The following RASGRF1 variants were observed in gnomAD, a reference collection of about 807,000 sequenced individuals.
RASGRF1 encodes the protein ras-specific guanine nucleotide-releasing factor 1.
RASGRF1 carries 40 observed loss-of-function variants against 138.7 expected under a neutral mutation model. The observed-to-expected ratio is 0.29, with a 90% CI of 0.22 to 0.38. The LOEUF is 0.38. Among genes scored for constraint, RASGRF1 ranks in the 10% least tolerant of loss-of-function variants. The pLI, the probability that RASGRF1 is intolerant of heterozygous loss-of-function variation, is 1.00. For synonymous variants in RASGRF1, 614 were observed against 663.2 expected (o/e 0.93, Z 1.14); for missense variants, 1,108 against 1,650.4 (o/e 0.67, Z 5.69).
chr15:79,068,954 A>G (rs1321854670), intron 1 of RASGRF1, among the ~76,000 whole-genome samples: 1 of 152,108 alleles, frequency 6.6e-6, no homozygotes, highest in African/African-American at 2.4e-5. Context: ...TTCAGGTCTC[A>G]GGGAAAAGAG....
In RASGRF1 at chr15:79,029,176, G is replaced by A. The variant is rs111744064; in HGVS notation, c.1263-1317C>T. On this transcript the variant is annotated intron_variant, in intron 8 of 26. Transcript: ENST00000558480. ...TTTAATAAATGGACCAGGGCCTTTC[G>A]CTGGAGTCTCTTCCTTGGGAGCCTC... Among the ~76,000 whole-genome samples the A allele has an allele frequency of 4.0e-3, 610 of 152,314 alleles. 5 individuals are homozygous for A. The highest frequency in any genetic ancestry group is 0.014 in the African/African-American group (564 of 41,558).
chr15:78,980,722 A>C (rs901942068), intron 23 of RASGRF1, 23 bp from the exon 24 acceptor site: 1 of 1,550,480 alleles, frequency 6.4e-7, no homozygotes, highest in Non-Finnish European at 8.9e-7. Flanking sequence ...AGAAGCATTT[A>C]CTAACACACA....
At chr15:79,078,787 C>T (rs1418220050) in intron 1 of RASGRF1, among the ~76,000 whole-genome samples, 1 of 152,250 alleles carries the variant, frequency 6.6e-6, no homozygotes, top group Non-Finnish European at 1.5e-5. Flanking sequence ...TGTCCCTGTT[C>T]TCAGTGCCTG....
intron 24 of RASGRF1, among the ~76,000 whole-genome samples, chr15:78,974,871 A>G (rs187499096): frequency 2.0e-5 from 3 of 152,354 alleles, no homozygotes; most frequent in East Asian, 3.9e-4. Context: ...TCCATTTGCC[A>G]TGATACAAAA....
chr15:79,017,346 G>A (rs2056893312), intron 12 of RASGRF1, among the ~76,000 whole-genome samples: 1 of 152,202 alleles, frequency 6.6e-6, no homozygotes, highest in East Asian at 1.9e-4. Flanking sequence ...TTCTCTCGCT[G>A]TGAACATTAT....
At position 79,005,430 on chromosome 15, in the gene RASGRF1, C is replaced by T. The variant is rs2056648796; in HGVS notation, c.2075+756G>A. On this transcript the variant is annotated intron_variant, in intron 14 of 26. Coordinates refer to ENST00000558480, the MANE Select transcript of RASGRF1 (RefSeq NM_001145648.3). ...CAGAGAGCCTCTGAGCCTCTGAGGGCTGGGATGGGCTGTCCACAACTGGGA... is the reference window on the plus strand; with the variant it reads ...CAGAGAGCCTCTGAGCCTCTGAGGGTTGGGATGGGCTGTCCACAACTGGGA... 1.2e-5 allele frequency: 12 copies of T among 985,194 alleles called. No individual in the cohort carries two copies. The South Asian group carries it at 5.2e-4, about 42-fold the overall frequency. 61.0% of individuals were successfully genotyped at this position (985,194 alleles called of 1,614,324 possible). A position where few individuals can be genotyped will look rare whatever the true frequency, so the allele number is the denominator to read the frequency against.
At chr15:79,081,539 G>A (rs1232216377) in intron 1 of RASGRF1, among the ~76,000 whole-genome samples, 2 of 152,186 alleles carry the variant, frequency 1.3e-5, no homozygotes, top group Admixed American at 1.3e-4. Flanking sequence ...TAGCACACAG[G>A]CTTTTAGGGC....
rs78581692 is a variant in RASGRF1 at position 79,020,472 on chromosome 15, G to A, written c.1543-368C>T. Among the ~76,000 whole-genome samples, 617 of 152,316 alleles carry A rather than the reference G, an allele frequency of 4.1e-3. 4 individuals carry two copies. The highest frequency in any genetic ancestry group is 0.014 in the African/African-American group (587 of 41,566). On this transcript the variant is annotated intron_variant, in intron 10 of 26. Transcript: ENST00000558480. ...AATCTGCAGAGGTTTGAAATCCCCC[G>A]TTTTAGGCCAAAGCTATCAGGTTAC...
chr15:78,998,100 T>C lies in RASGRF1; in HGVS notation c.2962A>G (p.Ile988Val), dbSNP rs776801006. The C allele has an allele frequency of 6.8e-6, 11 of 1,612,772 alleles. No homozygotes were observed. In the East Asian group the frequency reaches 2.5e-4, roughly 36 times the overall value. The change falls in exon 19 of 27, where the codon ATC becomes GTC. Residue 988 changes from isoleucine to valine, a missense_variant. Physicochemically the swap from Ile to Val is conservative, Grantham distance 29 (BLOSUM62 3). Coordinates refer to ENST00000558480, the MANE Select transcript of RASGRF1 (RefSeq NM_001145648.3). ...GGAACCAGGTACTGCCTTTACCTGA[T>C]GATGTTGGCTGCAGCCTTCCGCTCC... Reference protein sequence around the residue: ...TQERKAAANIIRTLTQEDPGD... With the variant: ...TQERKAAANIVRTLTQEDPGD...
intron 15 of RASGRF1, among the ~76,000 whole-genome samples, chr15:79,003,113 C>G (rs1224751534): frequency 6.6e-6 from 1 of 152,260 alleles, no homozygotes; most frequent in Non-Finnish European, 1.5e-5. Flanking sequence ...CTGTCTCACA[C>G]TCAGCATTCC....
intron 4 of RASGRF1, among the ~76,000 whole-genome samples, chr15:79,048,344 C>T (rs115992365): frequency 0.014 from 2,062 of 152,248 alleles, 40 homozygotes; most frequent in African/African-American, 0.045. Context: ...GCTGGGCCTT[C>T]TGCTTTTTAA....
intron 26 of RASGRF1, among the ~76,000 whole-genome samples, chr15:78,963,957 G>A (rs1201937287): frequency 2.0e-5 from 3 of 152,074 alleles, no homozygotes; most frequent in Non-Finnish European, 2.9e-5. Context: ...TGGGGATCAG[G>A]AAACTGATTA....
rs1355314314 is a variant in RASGRF1, at chr15:79,046,167, G to A, written c.878+579C>T. 3.3e-5 allele frequency among the ~76,000 whole-genome samples: 5 copies of A among 152,272 alleles called. No homozygotes were observed. Among genetic ancestry groups the A allele is most frequent in the Middle Eastern group, 3.4e-3 (1 of 294 alleles). Reference sequence around the variant, plus strand: ...TCTTTGTAAGACATGTGGGTAGCGTGGTCCACAGCAGAACTCTAAGGCACC... The same window carrying A: ...TCTTTGTAAGACATGTGGGTAGCGTAGTCCACAGCAGAACTCTAAGGCACC... On this transcript the variant is annotated intron_variant, in intron 5 of 26. Transcript: ENST00000558480. The surrounding 1 kb of genome is among the most constrained non-coding windows in gnomAD (Gnocchi z 5.3).
chr15:78,966,225 ATT>A (rs3063545), intron 26 of RASGRF1, among the ~76,000 whole-genome samples: 15,474 of 110,818 alleles, frequency 0.14, 1,539 homozygotes, highest in African/African-American at 0.3. Flanking sequence ...GAGGACTTAA[ATT>A]TTTTTTTTTT....
intron 1 of RASGRF1, among the ~76,000 whole-genome samples, chr15:79,087,385 G>A (rs1312720348): frequency 1.3e-5 from 2 of 152,202 alleles, no homozygotes; most frequent in African/African-American, 4.8e-5. Flanking sequence ...AGCCACTTAG[G>A]GGTTCCCAGC....
At chr15:79,007,959 C>T (rs1407257035) in intron 13 of RASGRF1, among the ~76,000 whole-genome samples, 3 of 151,942 alleles carry the variant, frequency 2.0e-5, no homozygotes, top group Non-Finnish European at 4.4e-5. Context: ...TCTCCTGCCT[C>T]AGCCTCCCGA....
chr15:79,084,128 G>C (rs1595979833), intron 1 of RASGRF1, among the ~76,000 whole-genome samples: 1 of 152,222 alleles, frequency 6.6e-6, no homozygotes, highest in East Asian at 1.9e-4. Flanking sequence ...TGATGTGGGA[G>C]TGTGGCCCCC....
intron 23 of RASGRF1, chr15:78,984,726 G>C: frequency 2.2e-6 from 1 of 446,996 alleles, no homozygotes; most frequent in Non-Finnish European, 4.2e-6. Flanking sequence ...CCCAACTCCA[G>C]AAGAAAAATG....
intron 1 of RASGRF1, among the ~76,000 whole-genome samples, chr15:79,070,931 A>G (rs751566982): frequency 3.3e-5 from 5 of 152,182 alleles, no homozygotes; most frequent in Admixed American, 2.0e-4. Context: ...TGAATTGCCC[A>G]TCTCGTGGGT....
Sources: allele counts gnomAD v4.1 joint callset (sites outside exome capture counted in the v4.1 genomes callset), GRCh38; gene constraint gnomAD v4.1.1; non-coding constraint Gnocchi (gnomAD v3.1); transcripts MANE v1.5; gene names NCBI Gene and HGNC (gene_info 2026-07-23, HGNC 2026-07-21).